YME1L1: variants seen among roughly 807,000 people sequenced by gnomAD.
The protein encoded by YME1L1 is ATP-dependent zinc metalloprotease YME1L1.
YME1L1 carries 39 observed loss-of-function variants against 90.4 expected under a neutral mutation model. The ratio of observed to expected loss-of-function variants is 0.43; its 90% CI spans 0.33 to 0.56. The LOEUF is 0.56. Among genes scored for constraint, YME1L1 ranks in the 20% least tolerant of loss-of-function variants. YME1L1 has a pLI of 0.03. For missense variants in YME1L1, 617 were observed against 868.4 expected, an observed-to-expected ratio of 0.71 and a Z score of 3.64; for synonymous variants, 284 against 287.3, an observed-to-expected ratio of 0.99 and a Z score of 0.12.
At chr10:27,119,977 C>G (rs527752129) in intron 13 of YME1L1, among the ~76,000 whole-genome samples, 1 of 152,090 alleles carries the variant, frequency 6.6e-6, no homozygotes, top group Admixed American at 6.6e-5. Flanking sequence ...TGAATTGATA[C>G]AGCTATCTCT....
At chr10:27,114,716 G>A (rs1401408593) in intron 17 of YME1L1, 109 bp from the exon 18 acceptor site, 5 of 732,624 alleles carry the variant, frequency 6.8e-6, no homozygotes, top group South Asian at 4.2e-5. Flanking sequence ...TGGGGGACAA[G>A]AAAGAAGTAC....
At chr10:27,143,638 C>T (rs1301619248) in intron 3 of YME1L1, among the ~76,000 whole-genome samples, 1 of 142,734 alleles carries the variant, frequency 7.0e-6, no homozygotes, top group Non-Finnish European at 1.5e-5. Flanking sequence ...GCAGAGCTTA[C>T]AGTGAGCCGA....
intron 3 of YME1L1, among the ~76,000 whole-genome samples, chr10:27,145,014 G>A (rs189162399): frequency 9.9e-5 from 15 of 152,194 alleles, no homozygotes; most frequent in Admixed American, 5.2e-4. Flanking sequence ...GGTGGCGGGC[G>A]CCTGTAGTCC....
chr10:27,136,116 A>G (rs1282649906), intron 5 of YME1L1, among the ~76,000 whole-genome samples, 160 bp downstream of exon 5: 1 of 152,232 alleles, frequency 6.6e-6, no homozygotes. Context: ...GGTGCCCAGA[A>G]GAGTTAGAGG....
intron 8 of YME1L1, among the ~76,000 whole-genome samples, chr10:27,130,852 T>C (rs560495753): frequency 6.6e-6 from 1 of 152,338 alleles, no homozygotes; most frequent in South Asian, 2.1e-4. Flanking sequence ...AAACTCCGTC[T>C]CAAAAACAAA....
chr10:27,121,747 T>C (rs1453526424), intron 11 of YME1L1, among the ~76,000 whole-genome samples: 2 of 139,252 alleles, frequency 1.4e-5, no homozygotes, highest in Non-Finnish European at 3.1e-5. Flanking sequence ...TACAAGCCAC[T>C]ATTTTTTTTT....
At chr10:27,148,877 T>C (rs967552532) in intron 2 of YME1L1, 29 bp downstream of exon 2, 1 of 1,612,150 alleles carries the variant, frequency 6.2e-7, no homozygotes, top group East Asian at 2.2e-5. Flanking sequence ...TCAAAAAGGC[T>C]TTCTCACACA....
At chr10:27,124,401 A>G (rs561570264) in intron 9 of YME1L1, among the ~76,000 whole-genome samples, 2 of 152,204 alleles carry the variant, frequency 1.3e-5, no homozygotes, top group East Asian at 1.9e-4. Flanking sequence ...GCAAATTTTC[A>G]TAACACCAAA....
intron 2 of YME1L1, among the ~76,000 whole-genome samples, chr10:27,148,115 C>A (rs1564469611): frequency 6.6e-6 from 1 of 151,992 alleles, no homozygotes; most frequent in African/African-American, 2.4e-5. Context: ...GTTTTATTTA[C>A]TTCTTAAATC....
rs1361224535 is a variant in YME1L1 at position 27,115,042 on chromosome 10, TA to T, written c.1921-436del. ...ACTCCGTCTCCAAAAAAAATAAAAA[TA>T]AAAACTGCATTTGAGGGCAAAGAAA... is the stretch of plus-strand genomic sequence containing the variant. On this transcript the variant is annotated intron_variant, in intron 17 of 18. Coordinates refer to ENST00000376016, the MANE Select transcript of YME1L1 (RefSeq NM_014263.4). Among the ~76,000 whole-genome samples, 5 of 142,794 alleles carry T rather than the reference TA, an allele frequency of 3.5e-5. No homozygotes were observed. The East Asian group carries it at 1.0e-3, about 30-fold the overall frequency. The allele number at this position is 142,794 out of a possible 152,430, so 93.7% of individuals were successfully genotyped here. A position where few individuals can be genotyped will look rare whatever the true frequency, so the allele number is the denominator to read the frequency against.
Position 27,111,993 on chromosome 10 carries a change from T to A in YME1L1, c.2135A>T (p.Lys712Met). The stretch of plus-strand genomic sequence containing the variant: ...AGAGAGTTATCATCTCACTTCCAAC[T>A]TTTTCCCCTCAAGAACAATTTGAAT... ...KEIQIVLEGKKLEVR is the reference protein window; with the variant it reads ...KEIQIVLEGKMLEVR Residue 712 changes from lysine (K) to methionine (M), a missense_variant, in exon 19 of 19, where the codon AAG (lysine) becomes ATG (methionine). Physicochemically the swap from Lys to Met is moderately conservative, Grantham distance 95 (BLOSUM62 -1). Around this residue, in one of 4 missense-constraint regions of YME1L1, gnomAD observed 212 missense variants for 330.0 expected, o/e 0.64. Transcript: ENST00000376016. 2.5e-6 allele frequency: 4 copies of A among 1,613,684 alleles called. No homozygotes were observed. The highest frequency in any genetic ancestry group is 1.1e-5 in the South Asian group (1 of 91,034).
chr10:27,115,707 G>C (rs76038380), intron 17 of YME1L1, among the ~76,000 whole-genome samples: 1 of 152,158 alleles, frequency 6.6e-6, no homozygotes, highest in African/African-American at 2.4e-5. Flanking sequence ...GAGTATAGTA[G>C]TGCTTCAAGG....
intron 15 of YME1L1, among the ~76,000 whole-genome samples, chr10:27,117,235 CATA>C (rs962232141): frequency 6.6e-6 from 1 of 152,218 alleles, no homozygotes; most frequent in Admixed American, 6.5e-5. Flanking sequence ...TACTACAAAA[CATA>C]ATGTTTTCCC....
At chr10:27,147,413 G>C in intron 2 of YME1L1, 1 of 1,607,134 alleles carries the variant, frequency 6.2e-7, no homozygotes, top group African/African-American at 1.3e-5. Flanking sequence ...GTGAAAGATG[G>C]CAAGAACCTG....
At position 27,140,034 on chromosome 10, in the gene YME1L1, TC is replaced by T. The variant is rs113201598; in HGVS notation, c.430+2352del. ...ATTTTTTTTTCTTTTTGAGACAAAGTCTTGCTCTGTTGCCCAGGATGGAGGT... is the reference window on the plus strand; with the variant it reads ...ATTTTTTTTTCTTTTTGAGACAAAGTTTGCTCTGTTGCCCAGGATGGAGGT... On this transcript the variant is annotated intron_variant, in intron 4 of 18. Transcript: ENST00000376016. Among the ~76,000 whole-genome samples the T allele has an allele frequency of 2.5e-3, 381 of 152,262 alleles. 2 individuals are homozygous for T. Among genetic ancestry groups the T allele is most frequent in the African/African-American group, 8.8e-3 (365 of 41,538 alleles).
intron 7 of YME1L1, 30 bp downstream of exon 7, chr10:27,134,009 A>G (rs752552170): frequency 2.7e-6 from 4 of 1,460,060 alleles, no homozygotes; most frequent in East Asian, 4.5e-5. Context: ...GGAATAAGAA[A>G]TAAGTTAGAC....
intron 1 of YME1L1, among the ~76,000 whole-genome samples, chr10:27,153,772 A>T (rs1213437928): frequency 1.3e-5 from 2 of 152,224 alleles, no homozygotes; most frequent in Non-Finnish European, 2.9e-5. Flanking sequence ...AGCAGGGGAT[A>T]GGGGCTGTGA....
intron 8 of YME1L1, among the ~76,000 whole-genome samples, chr10:27,130,799 G>A (rs181519753): frequency 6.6e-6 from 1 of 152,352 alleles, no homozygotes; most frequent in African/African-American, 2.4e-5. Flanking sequence ...GTTGCACTGA[G>A]CCGAGATCAC....
chr10:27,125,789 T>C (rs2056912866), intron 9 of YME1L1, among the ~76,000 whole-genome samples: 1 of 151,916 alleles, frequency 6.6e-6, no homozygotes, highest in Non-Finnish European at 1.5e-5. Flanking sequence ...TACAGGCGCC[T>C]GCCACCAAGC....
Sources: gnomAD v4.1 joint callset for allele counts (sites outside exome capture counted in the v4.1 genomes callset) on GRCh38, gnomAD v4.1.1 for gene constraint, gnomAD v4.1.1 regional missense constraint, MANE v1.5 for transcripts, NCBI Gene and HGNC (gene_info 2026-07-23, HGNC 2026-07-21) for gene names.